Variants in C5orf46 observed in about 807,000 individuals in gnomAD.
C5orf46 encodes the protein chromosome 5 open reading frame 46.
In C5orf46, 9 loss-of-function variants were observed where a neutral mutation model predicts 8.9. That is an observed-to-expected ratio of 1.01 (90% CI 0.61 to 1.76). The LOEUF (loss-of-function observed/expected upper bound fraction) is 1.76. Among genes scored for constraint, C5orf46 ranks in the 40% most tolerant of loss-of-function variants. C5orf46 has a pLI of 0.00. For missense variants in C5orf46, 98 were observed against 107.8 expected, an observed-to-expected ratio of 0.91 and a Z score of 0.40; for synonymous variants, 47 against 41.4, an observed-to-expected ratio of 1.14 and a Z score of -0.52.
downstream of C5orf46, among the ~76,000 whole-genome samples, chr5:147,888,443 T>C (rs1373166203): frequency 6.6e-6 from 1 of 152,192 alleles, no homozygotes; most frequent in Non-Finnish European, 1.5e-5. Context: ...AGACTTACTT[T>C]CTTCCTTCTT....
intron 3 of C5orf46, among the ~76,000 whole-genome samples, chr5:147,893,805 C>T (rs1757540187): frequency 2.6e-5 from 4 of 151,994 alleles, no homozygotes; most frequent in South Asian, 4.1e-4. Context: ...CCTCCCAAAG[C>T]GCTGGGATTT....
chr5:147,899,473 CA>C (rs1416054061), intron 2 of C5orf46, among the ~76,000 whole-genome samples: 4 of 152,160 alleles, frequency 2.6e-5, no homozygotes, highest in African/African-American at 9.7e-5. Context: ...AAAGATCCTT[CA>C]GGATTTCTCA....
rs186711307 is a variant in C5orf46, at chr5:147,899,580, G to T, written c.215+2049C>A. ...CCTGACACTATATGCCATGTACTGT[G>T]CTCTTGCAACCAGTCAGGTGATTTG... On this transcript the variant is annotated intron_variant, in intron 2 of 3. Transcript: ENST00000318315. Among the ~76,000 whole-genome samples, 11 of 152,284 alleles carry T rather than the reference G, an allele frequency of 7.2e-5. No homozygotes were observed. The East Asian group carries it at 2.1e-3, about 29-fold the overall frequency.
chr5:147,888,872 A>G (rs1301636126), downstream of C5orf46, among the ~76,000 whole-genome samples: 1 of 152,192 alleles, frequency 6.6e-6, no homozygotes, highest in Non-Finnish European at 1.5e-5. Context: ...CTTTAAATGC[A>G]TGCAGTTTTT....
intron 2 of C5orf46, chr5:147,886,229 T>C (rs1194715084): frequency 6.6e-6 from 1 of 152,104 alleles, no homozygotes; most frequent in African/African-American, 2.4e-5. Context: ...GTATGAGAGA[T>C]CCTTATGAGG....
chr5:147,901,911 T>A, intron 1 of C5orf46, 138 bp from the exon 2 acceptor site: 1 of 846,720 alleles, frequency 1.2e-6, no homozygotes, highest in Non-Finnish European at 1.8e-6. Flanking sequence ...ATCGAACATT[T>A]AATGCCTGTC....
chr5:147,891,813 T>A (rs1298262586), downstream of C5orf46, among the ~76,000 whole-genome samples: 1 of 152,088 alleles, frequency 6.6e-6, no homozygotes, highest in Non-Finnish European at 1.5e-5. Flanking sequence ...AGAGTGTGAG[T>A]TGTCTGAATT....
In C5orf46 at chr5:147,886,699, ATTG is replaced by A. The variant is rs374301406; in HGVS notation, n.205-5608_205-5606del. The A allele has an allele frequency of 3.5e-3, 524 of 151,198 alleles. 4 individuals are homozygous for A. Among genetic ancestry groups the A allele is most frequent in the African/African-American group, 0.012 (502 of 41,374 alleles). The allele number at this position is 151,198 out of a possible 1,614,324, so 9.4% of individuals were successfully genotyped here. On this transcript the variant is annotated intron_variant and non_coding_transcript_variant, in intron 2 of 2. Coordinates refer to the C5orf46 transcript ENST00000510432. ...TATGAATGACATATGCCTTATTTAA[ATTG>A]TTATCTATGTGAATATTAATTTAAT...
chr5:147,891,467 G>A (rs1258042625), downstream of C5orf46, among the ~76,000 whole-genome samples: 17 of 152,246 alleles, frequency 1.1e-4, no homozygotes, highest in Non-Finnish European at 1.9e-4. Flanking sequence ...TCAGCGACCC[G>A]TTAGGAATTT....
At chr5:147,887,725 T>C (rs931812635), downstream of C5orf46, 5 of 152,144 alleles carry the variant, frequency 3.3e-5, no homozygotes, top group African/African-American at 1.2e-4. Flanking sequence ...AAGAATAGGA[T>C]CCTAAGAAAG....
At chr5:147,892,332 A>G (rs895690643), downstream of C5orf46, among the ~76,000 whole-genome samples, 9 of 152,232 alleles carry the variant, frequency 5.9e-5, no homozygotes, top group African/African-American at 2.2e-4. Context: ...TGAGAAAAAT[A>G]GTGACTCTGT....
chr5:147,887,647 G>C (rs533817836), intron 2 of C5orf46: 1 of 152,204 alleles, frequency 6.6e-6, no homozygotes, highest in East Asian at 1.9e-4. Context: ...TAAAGGGAGA[G>C]ATAGAAACCA....
rs912741100 is a variant in C5orf46, at chr5:147,902,845, A to G, written c.71-1072T>C. Among the ~76,000 whole-genome samples the G allele has an allele frequency of 3.9e-5, 6 of 152,222 alleles. 1 individual carries two copies. Among genetic ancestry groups the G allele is most frequent in the Non-Finnish European group, 5.9e-5 (4 of 68,046 alleles). ...TGCATATCACCTAGTAGTTTCATAA[A>G]TAGTGATTTTACAAATGTTGTGTAA... is the stretch of plus-strand genomic sequence containing the variant. On this transcript the variant is annotated intron_variant, in intron 1 of 3. Coordinates refer to ENST00000318315, the MANE Select transcript of C5orf46 (RefSeq NM_206966.3).
chr5:147,895,910 T>C (rs1757572657), intron 3 of C5orf46, among the ~76,000 whole-genome samples: 1 of 152,112 alleles, frequency 6.6e-6, no homozygotes, highest in African/African-American at 2.4e-5. Flanking sequence ...TGGGCTAAGT[T>C]CCGGGGGAAT....
chr5:147,904,534 T>G (rs1757720483), intron 1 of C5orf46, among the ~76,000 whole-genome samples: 1 of 152,234 alleles, frequency 6.6e-6, no homozygotes, highest in African/African-American at 2.4e-5. Flanking sequence ...ACTTGCATAA[T>G]AAATTCTATT....
intron 2 of C5orf46, chr5:147,886,055 C>T (rs1282997995): frequency 2.0e-5 from 3 of 152,072 alleles, no homozygotes; most frequent in African/African-American, 4.8e-5. Flanking sequence ...GAGAATTATG[C>T]TGAGTGAAAA....
intron 2 of C5orf46, chr5:147,886,616 G>A (rs1757424659): frequency 6.6e-6 from 1 of 150,912 alleles, no homozygotes; most frequent in Non-Finnish European, 1.5e-5. Flanking sequence ...ACATTGATGT[G>A]CTTTTTTCAA....
At chr5:147,895,364 C>T (rs928248801) in intron 3 of C5orf46, among the ~76,000 whole-genome samples, 10 of 152,150 alleles carry the variant, frequency 6.6e-5, no homozygotes, top group African/African-American at 2.2e-4. Context: ...TGAGCCATTC[C>T]TCCCTGCTCA....
At chr5:147,888,016 C>G (rs569741613), downstream of C5orf46, among the ~76,000 whole-genome samples, 33 of 152,080 alleles carry the variant, frequency 2.2e-4, no homozygotes, top group South Asian at 1.2e-3. Context: ...ATCCTAAGAG[C>G]CCAGAAAAGC....
Sources: gnomAD v4.1 joint callset for allele counts (sites outside exome capture counted in the v4.1 genomes callset) on GRCh38, gnomAD v4.1.1 for gene constraint, MANE v1.5 for transcripts, NCBI Gene and HGNC (gene_info 2026-07-23, HGNC 2026-07-21) for gene names.